Variants in PPP1R16B observed in about 807,000 individuals in gnomAD.
The protein encoded by PPP1R16B is protein phosphatase 1 regulatory subunit 16B, also known as protein phosphatase 1 regulatory inhibitor subunit 16B.
A neutral mutation model predicts 61.7 loss-of-function variants in PPP1R16B; 14 were observed. The ratio of observed to expected loss-of-function variants is 0.23; its 90% CI spans 0.15 to 0.35. The LOEUF is 0.35. PPP1R16B is among the 10% of genes least tolerant of loss of function. PPP1R16B has a pLI of 1.00. For missense variants in PPP1R16B, 547 were observed against 752.5 expected, an observed-to-expected ratio of 0.73 and a Z score of 3.19; for synonymous variants, 266 against 305.3, an observed-to-expected ratio of 0.87 and a Z score of 1.34.
At chr20:38,906,924 C>T (rs2085448385) in intron 7 of PPP1R16B, 55 bp from the exon 8 acceptor site, 1 of 1,506,424 alleles carries the variant, frequency 6.6e-7, no homozygotes, top group Non-Finnish European at 9.2e-7. Context: ...TCTCCACCTC[C>T]TAGGCTTTCT....
rs901625179 is a variant in PPP1R16B at position 38,908,171 on chromosome 20, C to A, written c.1172C>A (p.Thr391Lys). ...AACGGGGACATCAGGGAGACCAGGA[C>A]AGACCAAGAGAATAAGGACCCTGTG... The part of the protein sequence containing the change: ...TYNGDIRETR[T>K]DQENKDPNPR... The change falls in exon 10 of 11, where the codon ACA becomes AAA. Residue 391 changes from threonine (T) to lysine (K), a missense_variant. Physicochemically the swap from Thr to Lys is moderately conservative, Grantham distance 78. Coordinates refer to ENST00000299824, the MANE Select transcript of PPP1R16B (RefSeq NM_015568.4). 6.2e-7 allele frequency: 1 copy of A among 1,614,272 alleles called. No individual in the cohort carries two copies. Among genetic ancestry groups the A allele is most frequent in the Non-Finnish European group, 8.5e-7 (1 of 1,180,050 alleles).
At chr20:38,917,430 T>G (rs1022125829) in intron 10 of PPP1R16B, among the ~76,000 whole-genome samples, 2 of 152,242 alleles carry the variant, frequency 1.3e-5, no homozygotes, top group East Asian at 3.8e-4. Flanking sequence ...TCATGGTGAT[T>G]TTTGCTGTGC....
intron 1 of PPP1R16B, among the ~76,000 whole-genome samples, chr20:38,814,239 T>G (rs552611850): frequency 6.6e-6 from 1 of 152,336 alleles, no homozygotes; most frequent in South Asian, 2.1e-4. Flanking sequence ...GTCCTTGTAC[T>G]GAATCATTAC....
In PPP1R16B at chr20:38,858,042, C is replaced by T. The variant is rs995221745; in HGVS notation, c.250+21867C>T. ...CGTGAGGGCTCTCTTCCTGGCTTTC[C>T]ACCTCCTCACTGTTTCCTCACCTGG... On this transcript the variant is annotated intron_variant, in intron 2 of 10. Coordinates refer to ENST00000299824, the MANE Select transcript of PPP1R16B (RefSeq NM_015568.4). Among the ~76,000 whole-genome samples the T allele has an allele frequency of 3.3e-5, 5 of 152,222 alleles. No individual in the cohort carries two copies. In the East Asian group the frequency reaches 7.7e-4, roughly 24 times the overall value.
chr20:38,826,267 G>A (rs571576273), intron 1 of PPP1R16B, among the ~76,000 whole-genome samples: 49 of 152,262 alleles, frequency 3.2e-4, no homozygotes, highest in African/African-American at 9.9e-4. Flanking sequence ...TTTGACTCCC[G>A]TTTCCCCAAG....
chr20:38,831,444 T>C (rs1213061091), intron 1 of PPP1R16B, among the ~76,000 whole-genome samples: 1 of 152,242 alleles, frequency 6.6e-6, no homozygotes, highest in African/African-American at 2.4e-5. Flanking sequence ...AGGCTCTCTT[T>C]CCTTTCTTGT....
intron 10 of PPP1R16B, among the ~76,000 whole-genome samples, chr20:38,912,474 C>A (rs1010167051): frequency 7.6e-6 from 1 of 130,982 alleles, no homozygotes; most frequent in African/African-American, 2.9e-5. Context: ...TACTGGACAA[C>A]ATGGCAAGAC....
At position 38,907,408 on chromosome 20, in the gene PPP1R16B, C is replaced by G. The variant is rs1490604787; in HGVS notation, c.898+354C>G. Among the ~76,000 whole-genome samples the G allele has an allele frequency of 6.6e-6, 1 of 151,852 alleles. No homozygotes were observed. The highest frequency in any genetic ancestry group is 1.5e-5 in the Non-Finnish European group (1 of 67,994). ...TGAATCTATGAATACATGGCTCAGT[C>G]AGCAATAGGTAGATAGATGGATGAA... On this transcript the variant is annotated intron_variant, in intron 8 of 10. Transcript: ENST00000299824. This position sits in a 1 kb window ranked among gnomAD's most constrained non-coding sequence, Gnocchi z 4.5.
chr20:38,865,724 G>A (rs1332603349), intron 2 of PPP1R16B, among the ~76,000 whole-genome samples: 1 of 152,228 alleles, frequency 6.6e-6, no homozygotes, highest in African/African-American at 2.4e-5. Context: ...GCAGTAGGTG[G>A]CAGGGCCGGA....
At chr20:38,872,039 T>A (rs1167931648) in intron 2 of PPP1R16B, among the ~76,000 whole-genome samples, 1 of 152,210 alleles carries the variant, frequency 6.6e-6, no homozygotes, top group African/African-American at 2.4e-5. Flanking sequence ...CACGTCTCAA[T>A]CTGGATTATG....
At chr20:38,819,289 G>A (rs2084758501) in intron 1 of PPP1R16B, among the ~76,000 whole-genome samples, 1 of 152,050 alleles carries the variant, frequency 6.6e-6, no homozygotes, top group Non-Finnish European at 1.5e-5. Flanking sequence ...AGTATGAGTA[G>A]CTAAAACACA....
At chr20:38,847,297 G>A (rs181693491) in intron 2 of PPP1R16B, among the ~76,000 whole-genome samples, 14 of 152,294 alleles carry the variant, frequency 9.2e-5, no homozygotes, top group Admixed American at 2.0e-4. Context: ...AGTTAAGGTT[G>A]AATACCTATT....
At chr20:38,868,082 C>T (rs1437993481) in intron 2 of PPP1R16B, among the ~76,000 whole-genome samples, 1 of 152,200 alleles carries the variant, frequency 6.6e-6, no homozygotes, top group African/African-American at 2.4e-5. Context: ...GTTGCCTTTT[C>T]TTACTGCTCC....
chr20:38,823,997 G>C (rs1192937246), intron 1 of PPP1R16B, among the ~76,000 whole-genome samples: 1 of 152,026 alleles, frequency 6.6e-6, no homozygotes, highest in Non-Finnish European at 1.5e-5. Flanking sequence ...AATCAAAACA[G>C]ATGCCAGACT....
chr20:38,837,560 G>A (rs78798995), intron 2 of PPP1R16B, among the ~76,000 whole-genome samples: 1 of 71,128 alleles, frequency 1.4e-5, no homozygotes, highest in African/African-American at 5.6e-5. Flanking sequence ...TTTTTTTTTT[G>A]AGACAGAGTC....
chr20:38,840,872 T>G (rs1183589484), intron 2 of PPP1R16B, among the ~76,000 whole-genome samples: 1 of 152,216 alleles, frequency 6.6e-6, no homozygotes, highest in African/African-American at 2.4e-5. Context: ...TTCATAACGT[T>G]GTTGGGGGGT....
intron 3 of PPP1R16B, among the ~76,000 whole-genome samples, chr20:38,893,801 A>G (rs2085310669): frequency 6.6e-6 from 1 of 152,100 alleles, no homozygotes. Flanking sequence ...CCATCTGGGC[A>G]CACAGTCCCC....
chr20:38,816,014 C>T (rs1025759499), intron 1 of PPP1R16B, among the ~76,000 whole-genome samples: 2 of 151,666 alleles, frequency 1.3e-5, no homozygotes, highest in East Asian at 1.9e-4. Context: ...CATAAAATAC[C>T]GTATGCATTA....
In PPP1R16B at chr20:38,907,372, T is replaced by A. The variant is rs1301139327; in HGVS notation, c.898+318T>A. On this transcript the variant is annotated intron_variant, in intron 8 of 10. Transcript: ENST00000299824. This position sits in a 1 kb window ranked among gnomAD's most constrained non-coding sequence, Gnocchi z 4.5. ...ATAGACAGAAAAATAAGTGGATGAGTGGGTAAAGGATGAATCTATGAATAC... is the reference window on the plus strand; with the variant it reads ...ATAGACAGAAAAATAAGTGGATGAGAGGGTAAAGGATGAATCTATGAATAC... 6.6e-6 allele frequency among the ~76,000 whole-genome samples: 1 copy of A among 151,586 alleles called. No homozygotes were observed. Among genetic ancestry groups the A allele is most frequent in the Non-Finnish European group, 1.5e-5 (1 of 67,892 alleles).
Sources: allele counts gnomAD v4.1 joint callset (sites outside exome capture counted in the v4.1 genomes callset), GRCh38; gene constraint gnomAD v4.1.1; non-coding constraint Gnocchi (gnomAD v3.1); transcripts MANE v1.5; gene names NCBI Gene and HGNC (gene_info 2026-07-23, HGNC 2026-07-21).